CSF1R: variants seen among roughly 807,000 people sequenced by gnomAD.
The protein encoded by CSF1R is colony stimulating factor 1 receptor, also known as macrophage colony-stimulating factor 1 receptor.
A neutral mutation model predicts 110.0 loss-of-function variants in CSF1R; 40 were observed. That is an observed-to-expected ratio of 0.36 (90% CI 0.28 to 0.47). CSF1R has a LOEUF of 0.47. Ranked by LOEUF, CSF1R falls within the 20% of genes least tolerant of loss-of-function variation. The probability of loss-of-function intolerance (pLI) is 0.99; values close to 1 mark genes in which losing one functional copy is unlikely to be tolerated. For missense variants in CSF1R, 1,052 were observed against 1,253.0 expected, an observed-to-expected ratio of 0.84 and a Z score of 2.42; for synonymous variants, 523 against 503.4, an observed-to-expected ratio of 1.04 and a Z score of -0.52.
intron 10 of CSF1R, among the ~76,000 whole-genome samples, chr5:150,065,965 G>A (rs1011868493): frequency 3.9e-5 from 6 of 152,230 alleles, no homozygotes; most frequent in African/African-American, 1.4e-4. Flanking sequence ...TGTGGGCACT[G>A]CGAGGCAGTT....
At chr5:150,094,280 GT>G (rs796498260) in intron 1 of CSF1R, 113 of 1,452,202 alleles carry the variant, frequency 7.8e-5, no homozygotes, top group African/African-American at 7.2e-4. Flanking sequence ...CAGAGCTTCA[GT>G]TTTTTTTTCC....
At chr5:150,112,621 T>C (rs1191418498) in intron 1 of CSF1R, among the ~76,000 whole-genome samples, 1 of 152,236 alleles carries the variant, frequency 6.6e-6, no homozygotes, top group Non-Finnish European at 1.5e-5. Flanking sequence ...GATCCGGGTA[T>C]CACCTCATTC....
intron 10 of CSF1R, among the ~76,000 whole-genome samples, chr5:150,065,275 T>G (rs1377885776): frequency 6.6e-6 from 1 of 151,944 alleles, no homozygotes; most frequent in Non-Finnish European, 1.5e-5. Context: ...CAATTCCCAG[T>G]GGAATCTTTG....
At chr5:150,056,458 T>C in intron 16 of CSF1R, 117 bp from the exon 17 acceptor site, 3 of 1,324,682 alleles carry the variant, frequency 2.3e-6, no homozygotes, top group Non-Finnish European at 3.1e-6. Context: ...TGAACAACAG[T>C]TTTGGTCCTT....
At chr5:150,081,119 G>A in intron 1 of CSF1R, 95 bp from the exon 2 acceptor site, 2 of 1,434,850 alleles carry the variant, frequency 1.4e-6, no homozygotes, top group Non-Finnish European at 1.9e-6. Flanking sequence ...TGGCAGGGAT[G>A]GTGCTGTGCC....
chr5:150,061,007 G>C (rs1757488748), intron 12 of CSF1R, 35 bp from the exon 13 acceptor site: 1 of 1,478,874 alleles, frequency 6.8e-7, no homozygotes, highest in Non-Finnish European at 9.3e-7. Flanking sequence ...AAGACAGGGA[G>C]AGGGCAGGAC....
chr5:150,096,387 T>C (rs1161577794), intron 1 of CSF1R, among the ~76,000 whole-genome samples: 1 of 152,042 alleles, frequency 6.6e-6, no homozygotes, highest in Non-Finnish European at 1.5e-5. Context: ...TGAAACTCCA[T>C]CTCAAAAGAA....
At chr5:150,087,477 G>A (rs1758886922), upstream of CSF1R, among the ~76,000 whole-genome samples, 1 of 152,220 alleles carries the variant, frequency 6.6e-6, no homozygotes, top group African/African-American at 2.4e-5. Context: ...CCTTAAGCTT[G>A]TCCATAGTCA....
At chr5:150,079,541 C>CA (rs1758428574) in intron 3 of CSF1R, among the ~76,000 whole-genome samples, 1 of 152,220 alleles carries the variant, frequency 6.6e-6, no homozygotes, top group Admixed American at 6.5e-5. Context: ...TACACATGCC[C>CA]AGCACTTGGC....
chr5:150,081,506 T>C (rs1009736626), intron 1 of CSF1R, among the ~76,000 whole-genome samples: 17 of 152,278 alleles, frequency 1.1e-4, no homozygotes, highest in African/African-American at 4.1e-4. Flanking sequence ...CCAGCAGAGT[T>C]AGAGAGGTCC....
Position 150,053,516 on chromosome 5 carries a change from G to C in CSF1R, c.*553C>G. The C allele has an allele frequency of 4.2e-6, 1 of 238,838 alleles. No individual in the cohort carries two copies. The highest frequency in any genetic ancestry group is 8.3e-6 in the Non-Finnish European group (1 of 121,194). 14.8% of individuals were successfully genotyped at this position (238,838 alleles called of 1,614,324 possible). On this transcript the variant is annotated 3_prime_UTR_variant, in exon 21 of 21. Coordinates refer to ENST00000675795, the MANE Select transcript of CSF1R (RefSeq NM_001288705.3). ...GCAGTACCAGTATGGGGGTGGGAGGGGTGAGGCTGTGGAGTGAAGGCGGCG... is the reference window on the plus strand; with the variant it reads ...GCAGTACCAGTATGGGGGTGGGAGGCGTGAGGCTGTGGAGTGAAGGCGGCG...
Position 150,102,184 on chromosome 5 carries a change from C to T in CSF1R, c.-181+11077G>A, listed in dbSNP as rs116032713. On this transcript the variant is annotated intron_variant, in intron 1 of 21. Transcript: ENST00000286301. ...GGATCGCCGGGTCAAAGGGTAGGTA[C>T]GTTAAAACATGGAGATATTGTTAAA... Among the ~76,000 whole-genome samples the T allele has an allele frequency of 5.5e-3, 837 of 152,186 alleles. 5 individuals carry two copies. Among genetic ancestry groups the T allele is most frequent in the African/African-American group, 0.019 (792 of 41,518 alleles).
At chr5:150,062,809 G>C (rs968232113) in intron 10 of CSF1R, among the ~76,000 whole-genome samples, 1 of 152,170 alleles carries the variant, frequency 6.6e-6, no homozygotes, top group African/African-American at 2.4e-5. Flanking sequence ...AGTAAGATAA[G>C]TCAGGGAAGG....
intron 1 of CSF1R, among the ~76,000 whole-genome samples, chr5:150,097,298 G>GA (rs1184924884): frequency 1.2e-5 from 1 of 81,448 alleles, no homozygotes; most frequent in Non-Finnish European, 2.5e-5. Flanking sequence ...AAGGAGAAGG[G>GA]AAGGGAAAGG....
Position 150,055,483 on chromosome 5 carries a change from C to G in CSF1R, c.2555-147G>C, listed in dbSNP as rs975363275. ...CTCTTACCCGGTGCTTCCTGTGTGC[C>G]AGCCAGTGTGTGGCAGGCTTAGGCT... is the stretch of plus-strand genomic sequence containing the variant. On this transcript the variant is annotated intron_variant, in intron 18 of 20. Coordinates refer to ENST00000675795, the MANE Select transcript of CSF1R (RefSeq NM_001288705.3). The G allele has an allele frequency of 1.2e-5, 8 of 691,058 alleles. No individual in the cohort carries two copies. The African/African-American group carries it at 1.4e-4, about 12-fold the overall frequency. 42.8% of individuals were successfully genotyped at this position (691,058 alleles called of 1,614,324 possible).
chr5:150,083,406 C>T (rs1448281288), intron 1 of CSF1R, among the ~76,000 whole-genome samples: 1 of 140,996 alleles, frequency 7.1e-6, no homozygotes, highest in Non-Finnish European at 1.5e-5. Flanking sequence ...ACACACTGCA[C>T]ACTAAGGCTG....
intron 14 of CSF1R, 122 bp downstream of exon 14, chr5:150,059,578 T>G (rs1757407403): frequency 8.9e-7 from 1 of 1,126,908 alleles, no homozygotes; most frequent in Non-Finnish European, 1.3e-6. Context: ...ATGACACAGG[T>G]GGCAGGTGAG....
chr5:150,098,292 C>G (rs1759288290), intron 1 of CSF1R: 1 of 152,026 alleles, frequency 6.6e-6, no homozygotes, highest in Admixed American at 6.5e-5. Flanking sequence ...AATGCAAAAC[C>G]ATACAACTAT....
At chr5:150,109,064 C>CCTT (rs1759639364) in intron 1 of CSF1R, among the ~76,000 whole-genome samples, 1 of 130,450 alleles carries the variant, frequency 7.7e-6, no homozygotes, top group Non-Finnish European at 1.7e-5. Flanking sequence ...GCCCGCCCCC[C>CCTT]CCCCACCACC....
Sources: gnomAD v4.1 joint callset for allele counts (sites outside exome capture counted in the v4.1 genomes callset) on GRCh38, gnomAD v4.1.1 for gene constraint, MANE v1.5 for transcripts, NCBI Gene and HGNC (gene_info 2026-07-23, HGNC 2026-07-21) for gene names.